The following DLGAP4 variants were observed in gnomAD, a reference collection of about 807,000 sequenced individuals.
DLGAP4 encodes the protein disks large-associated protein 4.
DLGAP4 carries 18 observed loss-of-function variants against 86.9 expected under a neutral mutation model. The observed-to-expected ratio is 0.21, with a 90% CI of 0.14 to 0.31. The LOEUF (loss-of-function observed/expected upper bound fraction) is 0.31, where lower values mean the gene tolerates loss of function less well. Ranked by LOEUF, DLGAP4 falls within the 10% of genes least tolerant of loss-of-function variation. DLGAP4 has a pLI of 1.00. For missense variants in DLGAP4, 1,085 were observed against 1,362.6 expected (o/e 0.80, Z 3.21); for synonymous variants, 548 against 574.3 (o/e 0.95, Z 0.65).
Position 36,496,686 on chromosome 20 carries a change from TTC to T in DLGAP4, c.1649-14_1649-13del. On this transcript the variant is annotated splice_polypyrimidine_tract_variant and intron_variant, in intron 7 of 12. Coordinates refer to ENST00000339266, the MANE Select transcript of DLGAP4 (RefSeq NM_001365621.2). ...TCACCATCTCACCTCTCCCCTGCCCTTCTCTCATCCATCTGCAGGTTCATCAT... is the reference window on the plus strand; with the variant it reads ...TCACCATCTCACCTCTCCCCTGCCCTTCTCATCCATCTGCAGGTTCATCAT... 6.3e-7 allele frequency: 1 copy of T among 1,588,756 alleles called. No individual in the cohort carries two copies. Among genetic ancestry groups the T allele is most frequent in the Non-Finnish European group, 8.6e-7 (1 of 1,161,460 alleles).
intron 11 of DLGAP4, chr20:36,525,496 C>T (rs1181074166): frequency 3.0e-6 from 1 of 337,754 alleles, no homozygotes; most frequent in South Asian, 3.6e-5. Context: ...TGTGACCTTT[C>T]CCACCTGGGA....
At chr20:36,452,394 G>A (rs2147592189) in intron 7 of DLGAP4, among the ~76,000 whole-genome samples, 1 of 152,152 alleles carries the variant, frequency 6.6e-6, no homozygotes, top group South Asian at 2.1e-4. Context: ...CTACCAGGCT[G>A]GTTTTGAACT....
At chr20:36,427,553 A>G (rs189565151) in intron 2 of DLGAP4, among the ~76,000 whole-genome samples, 1 of 152,310 alleles carries the variant, frequency 6.6e-6, no homozygotes, top group East Asian at 1.9e-4. Flanking sequence ...AGATGGAGGT[A>G]GTGATTACAC....
intron 2 of DLGAP4, among the ~76,000 whole-genome samples, chr20:36,418,110 C>T (rs1347715388): frequency 6.8e-6 from 1 of 147,282 alleles, no homozygotes; most frequent in Admixed American, 6.9e-5. Context: ...TGTGTGCGCG[C>T]ATATGTGTGT....
chr20:36,364,916 G>A (rs1364685721), intron 1 of DLGAP4, among the ~76,000 whole-genome samples: 4 of 152,154 alleles, frequency 2.6e-5, no homozygotes, highest in Non-Finnish European at 2.9e-5. Flanking sequence ...GCAATATAGC[G>A]ACATTTCATC....
In DLGAP4 at chr20:36,310,471, C is replaced by T. The variant is rs905670403; in HGVS notation, c.-304+3959C>T. Among the ~76,000 whole-genome samples the T allele has an allele frequency of 9.3e-4, 141 of 152,252 alleles. 1 individual carries two copies. The highest frequency in any genetic ancestry group is 2.7e-3 in the African/African-American group (113 of 41,536). Reference sequence around the variant, plus strand: ...GGATGAGGCGTGTCCCCTCTCTGGGCTCCCTTGATAAAGTGAAGACTTGGA... The same window carrying T: ...GGATGAGGCGTGTCCCCTCTCTGGGTTCCCTTGATAAAGTGAAGACTTGGA... On this transcript the variant is annotated intron_variant, in intron 1 of 12. Transcript: ENST00000339266.
intron 2 of DLGAP4, among the ~76,000 whole-genome samples, chr20:36,373,565 C>G (rs2031025114): frequency 6.6e-6 from 1 of 152,150 alleles, no homozygotes; most frequent in African/African-American, 2.4e-5. Context: ...GTCAATACCA[C>G]TGGAACCTCA....
chr20:36,310,008 T>G (rs2065038164), intron 1 of DLGAP4, among the ~76,000 whole-genome samples: 1 of 151,798 alleles, frequency 6.6e-6, no homozygotes, highest in Non-Finnish European at 1.5e-5. Context: ...TTTGGGTAGA[T>G]GGAGAATAGT....
chr20:36,376,756 C>T (rs1030204815), intron 2 of DLGAP4, among the ~76,000 whole-genome samples: 46 of 152,156 alleles, frequency 3.0e-4, no homozygotes, highest in African/African-American at 1.1e-3. Flanking sequence ...AGACTTAGAG[C>T]AGCAGCCTGA....
intron 7 of DLGAP4, among the ~76,000 whole-genome samples, chr20:36,491,889 A>C (rs533777202): frequency 1.9e-4 from 29 of 152,340 alleles, no homozygotes; most frequent in African/African-American, 6.0e-4. Flanking sequence ...CAATCCTGGC[A>C]TGTGGCATGA....
In DLGAP4 at chr20:36,493,725, G is replaced by A. The variant is rs544525073; in HGVS notation, c.1649-2980G>A. 8.5e-5 allele frequency among the ~76,000 whole-genome samples: 13 copies of A among 152,322 alleles called. No individual in the cohort carries two copies. The East Asian group carries it at 1.5e-3, about 18-fold the overall frequency. On this transcript the variant is annotated intron_variant, in intron 7 of 12. Transcript: ENST00000339266. Reference sequence around the variant, plus strand: ...GAGAGCAGAGTGAGGTGGCTGTGCCGTGGAGCAGATGCGGCTGCTGCTTAC... The same window carrying A: ...GAGAGCAGAGTGAGGTGGCTGTGCCATGGAGCAGATGCGGCTGCTGCTTAC...
At chr20:36,468,091 T>C (rs1048551646) in intron 7 of DLGAP4, among the ~76,000 whole-genome samples, 7 of 152,240 alleles carry the variant, frequency 4.6e-5, no homozygotes, top group African/African-American at 1.7e-4. Context: ...CTAAGGATCC[T>C]GAAGGTCAGG....
chr20:36,442,288 G>A lies in DLGAP4; in HGVS notation c.1357-439G>A, dbSNP rs550089101. Reference sequence around the variant, plus strand: ...CAGCTCACTGCAACCTCCGCCTCACGGGTTCAAGCAATTCTCCTGCCTCAG... The same window carrying A: ...CAGCTCACTGCAACCTCCGCCTCACAGGTTCAAGCAATTCTCCTGCCTCAG... On this transcript the variant is annotated intron_variant, in intron 5 of 12. Coordinates refer to ENST00000339266, the MANE Select transcript of DLGAP4 (RefSeq NM_001365621.2). 1.4e-4 allele frequency among the ~76,000 whole-genome samples: 21 copies of A among 152,292 alleles called. No homozygotes were observed. In the East Asian group the frequency reaches 3.9e-3, roughly 28 times the overall value.
chr20:36,450,984 C>T (rs976806020), intron 7 of DLGAP4, among the ~76,000 whole-genome samples: 15 of 152,222 alleles, frequency 9.9e-5, no homozygotes, highest in African/African-American at 3.6e-4. Context: ...CTTCCTTCTC[C>T]ATCAGCATTT....
intron 4 of DLGAP4, among the ~76,000 whole-genome samples, chr20:36,437,857 A>G (rs544460852): frequency 4.7e-4 from 71 of 152,122 alleles, no homozygotes; most frequent in Non-Finnish European, 9.6e-4. Flanking sequence ...AATTAAGGAC[A>G]CCACCAGACA....
chr20:36,390,731 C>T (rs1465684871), intron 2 of DLGAP4, among the ~76,000 whole-genome samples: 6 of 152,134 alleles, frequency 3.9e-5, no homozygotes, highest in Non-Finnish European at 5.9e-5. Flanking sequence ...AGTGAACTAC[C>T]CACTTGAGGA....
chr20:36,461,384 T>G (rs2034036613), intron 7 of DLGAP4: 1 of 911,414 alleles, frequency 1.1e-6, no homozygotes, highest in Non-Finnish European at 1.3e-6. Context: ...CGGGAGTCCC[T>G]GACGACGCGC....
chr20:36,491,747 A>G (rs1376985981), intron 7 of DLGAP4, among the ~76,000 whole-genome samples: 1 of 152,198 alleles, frequency 6.6e-6, no homozygotes, highest in Non-Finnish European at 1.5e-5. Flanking sequence ...CTTGGATACT[A>G]AAGTGTTGGG....
intron 11 of DLGAP4, 43 bp downstream of exon 11, chr20:36,524,384 T>C: frequency 1.3e-6 from 2 of 1,554,344 alleles, no homozygotes; most frequent in Non-Finnish European, 1.8e-6. Flanking sequence ...CTTCCAGCCT[T>C]TGGCTGCCCA....
Sources: gnomAD v4.1 joint callset for allele counts (sites outside exome capture counted in the v4.1 genomes callset) on GRCh38, gnomAD v4.1.1 for gene constraint, MANE v1.5 for transcripts, NCBI Gene and HGNC (gene_info 2026-07-23, HGNC 2026-07-21) for gene names.